The following APOBEC3B variants were observed in gnomAD, a reference collection of about 807,000 sequenced individuals.
APOBEC3B encodes the protein DNA dC->dU-editing enzyme APOBEC-3B.
A neutral mutation model predicts 53.4 loss-of-function variants in APOBEC3B; 29 were observed. The ratio of observed to expected loss-of-function variants is 0.54; its 90% confidence interval spans 0.40 to 0.74. APOBEC3B has a LOEUF of 0.74. Among genes scored for constraint, APOBEC3B ranks in the 30% least tolerant of loss-of-function variants. The pLI is 0.00. For synonymous variants in APOBEC3B, 132 were observed against 184.8 expected (o/e 0.71, Z 2.32); for missense variants, 347 against 496.2 (o/e 0.70, Z 2.86).
At chr22:38,989,122 C>T (rs1297422117) in intron 4 of APOBEC3B, among the ~76,000 whole-genome samples, 1 of 148,116 alleles carries the variant, frequency 6.8e-6, no homozygotes, top group Non-Finnish European at 1.5e-5. Context: ...AGAGCCAGGA[C>T]AGGGGTGCAT....
Position 38,989,177 on chromosome 22 carries a change from G to C in APOBEC3B, c.570-280G>C, listed in dbSNP as rs188610310. Among the ~76,000 whole-genome samples the C allele has an allele frequency of 1.2e-4, 18 of 148,208 alleles. 3 individuals are homozygous for C. In the East Asian group the frequency reaches 3.9e-3, roughly 32 times the overall value. ...ACCCAGCTCTACCCCAGGGAGAGGG[G>C]CAGGGTCCTCCCCGGAGGGCCTGAG... On this transcript the variant is annotated intron_variant, in intron 4 of 7. Transcript: ENST00000333467.
At chr22:38,988,101 A>G (rs1473195152) in intron 4 of APOBEC3B, among the ~76,000 whole-genome samples, 2 of 148,554 alleles carry the variant, frequency 1.3e-5, no homozygotes, top group African/African-American at 2.4e-5. Flanking sequence ...CCCACACACT[A>G]AAAAGGAGAC....
Position 38,983,188 on chromosome 22 carries a change from C to T in APOBEC3B, c.17+718C>T, listed in dbSNP as rs1301096223. 4.1e-5 allele frequency among the ~76,000 whole-genome samples: 6 copies of T among 147,946 alleles called. 1 individual carries two copies. The highest frequency in any genetic ancestry group is 7.4e-5 in the African/African-American group (3 of 40,622). ...TACAAAAATTAGCCAGGCATGGTGG[C>T]GCATCTCTAGTCCCAGATACTCAGG... On this transcript the variant is annotated intron_variant, in intron 1 of 7. Transcript: ENST00000333467.
chr22:38,991,472 C>G lies in APOBEC3B; in HGVS notation c.864C>G (p.Gly288=). ...CCTGGAGCCCCTGCTTCTCCTGGGG[C>G]TGTGCCGGGGAAGTGCGTGCGTTCC... The part of the protein sequence containing the change: ...FISWSPCFSW[G]CAGEVRAFLQ... The change falls in exon 6 of 8, where the codon GGC becomes GGG. Residue 288 remains glycine, a synonymous_variant. Coordinates refer to ENST00000333467, the MANE Select transcript of APOBEC3B (RefSeq NM_004900.5). 1 of 1,593,346 alleles carries G rather than the reference C, an allele frequency of 6.3e-7. No individual in the cohort carries two copies. Among genetic ancestry groups the G allele is most frequent in the Non-Finnish European group, 8.5e-7 (1 of 1,172,454 alleles).
At chr22:38,984,895 C>CTTTTTTTTTTTTTTTTTTTTTT (rs11308471) in intron 2 of APOBEC3B, among the ~76,000 whole-genome samples, 1 of 84,838 alleles carries the variant, frequency 1.2e-5, no homozygotes, top group African/African-American at 4.4e-5. Flanking sequence ...TCTTTTTTTC[C>CTTTTTTTTTTTTTTTTTTTTTT]TTTTTTTTTT....
intron 5 of APOBEC3B, among the ~76,000 whole-genome samples, chr22:38,990,362 C>G (rs993637172): frequency 4.1e-5 from 6 of 147,346 alleles, no homozygotes; most frequent in African/African-American, 1.5e-4. Flanking sequence ...ACCCACAGCC[C>G]CTTCTCAGCA....
At position 38,984,913 on chromosome 22, in the gene APOBEC3B, T is replaced by C. The variant is rs1363465395; in HGVS notation, c.174+682T>C. 2.9e-3 allele frequency among the ~76,000 whole-genome samples: 402 copies of C among 138,528 alleles called. 11 individuals are homozygous for C. Among genetic ancestry groups the C allele is most frequent in the African/African-American group, 0.01 (381 of 37,798 alleles). 90.9% of individuals were successfully genotyped at this position (138,528 alleles called of 152,430 possible). On this transcript the variant is annotated intron_variant, in intron 2 of 7. Coordinates refer to ENST00000333467, the MANE Select transcript of APOBEC3B (RefSeq NM_004900.5). The stretch of plus-strand genomic sequence containing the variant: ...TTTTTTCCTTTTTTTTTTTTTTTTT[T>C]TTTTCCGAGATGGAGTCTCGCTCTG...
Position 38,992,591 on chromosome 22 carries a change from T to C in APOBEC3B, c.*146T>C. 2 of 1,556,050 alleles carry C rather than the reference T, an allele frequency of 1.3e-6. No individual in the cohort carries two copies. The highest frequency in any genetic ancestry group is 1.7e-6 in the Non-Finnish European group (2 of 1,149,620). ...GCAAAGCAATGTGCTCCTGATCAAG[T>C]AGATTTTTTAAAAATCAGAGTCAAT... On this transcript the variant is annotated 3_prime_UTR_variant, in exon 8 of 8. Coordinates refer to ENST00000333467, the MANE Select transcript of APOBEC3B (RefSeq NM_004900.5).
chr22:38,990,424 T>C (rs1923948293), intron 5 of APOBEC3B, among the ~76,000 whole-genome samples: 1 of 147,780 alleles, frequency 6.8e-6, no homozygotes, highest in African/African-American at 2.5e-5. Flanking sequence ...AATCCCTCCC[T>C]GTCTTTGTCC....
In APOBEC3B at chr22:38,984,202, C is replaced by A. The variant is rs1295854741; in HGVS notation, c.145C>A (p.Leu49Ile). Residue 49 changes from leucine to isoleucine, a missense_variant, in exon 2 of 8, where the codon CTT becomes ATT. By Grantham distance (5) the Leu-to-Ile change is conservative (BLOSUM62 2). Coordinates refer to ENST00000333467, the MANE Select transcript of APOBEC3B (RefSeq NM_004900.5). Reference sequence around the variant, plus strand: ...AATAAAGAGGGGCCGCTCAAATCTCCTTTGGGACACAGGGGTCTTTCGAGG... The same window carrying A: ...AATAAAGAGGGGCCGCTCAAATCTCATTTGGGACACAGGGGTCTTTCGAGG... ...VKIKRGRSNL[L>I]WDTGVFRGQV... 2 of 1,592,484 alleles carry A rather than the reference C, an allele frequency of 1.3e-6. 1 individual carries two copies. Among genetic ancestry groups the A allele is most frequent in the Admixed American group, 3.6e-5 (2 of 55,848 alleles).
rs1569039190 is a variant in APOBEC3B, at chr22:38,988,744, T to TC, written c.570-712dup. On this transcript the variant is annotated intron_variant, in intron 4 of 7. Transcript: ENST00000333467. ...TTCTTTCTTTCTTTCTTTCTTTCTT[T>TC]CTTCCTTTCTTCTCTCTCGTCTTTC... 1.9e-4 allele frequency among the ~76,000 whole-genome samples: 22 copies of TC among 116,262 alleles called. 5 individuals carry two copies. The South Asian group carries it at 3.7e-3, about 20-fold the overall frequency. 76.3% of individuals were successfully genotyped at this position (116,262 alleles called of 152,430 possible).
intron 1 of APOBEC3B, among the ~76,000 whole-genome samples, chr22:38,983,602 T>C (rs148750995): frequency 0.013 from 1,929 of 148,676 alleles, 157 homozygotes; most frequent in African/African-American, 0.044. Context: ...AGGCCTAGGG[T>C]AGCCTCACGT....
intron 4 of APOBEC3B, 73 bp from the exon 5 acceptor site, chr22:38,989,384 G>A: frequency 2.2e-6 from 3 of 1,389,340 alleles, no homozygotes; most frequent in South Asian, 1.4e-5. Flanking sequence ...GGAGTGGGGG[G>A]TGCAGGAGAG....
At chr22:38,988,748 C>CTTTCCTTCTTTCTTTCTTT (rs1317657637) in intron 4 of APOBEC3B, among the ~76,000 whole-genome samples, 3 of 65,900 alleles carry the variant, frequency 4.6e-5, no homozygotes, top group African/African-American at 1.8e-4. Flanking sequence ...TTTCTTTCTT[C>CTTTCCTTCTTTCTTTCTTT]CTTTCTTCTC....
In APOBEC3B at chr22:38,989,417, G is replaced by T. The variant is rs149107365; in HGVS notation, c.570-40G>T. Reference sequence around the variant, plus strand: ...GAGGAGCGAGAGGTAGTCCCAGGAGGAGTCTTAGGGCTTTTGGTTTCCCCT... The same window carrying T: ...GAGGAGCGAGAGGTAGTCCCAGGAGTAGTCTTAGGGCTTTTGGTTTCCCCT... On this transcript the variant is annotated intron_variant, in intron 4 of 7. Coordinates refer to ENST00000333467, the MANE Select transcript of APOBEC3B (RefSeq NM_004900.5). 3.6e-4 allele frequency: 553 copies of T among 1,515,790 alleles called. 28 individuals carry two copies. In the African/African-American group the frequency reaches 6.5e-3, roughly 18 times the overall value. The allele number at this position is 1,515,790 out of a possible 1,614,324, so 93.9% of individuals were successfully genotyped here. A position where few individuals can be genotyped will look rare whatever the true frequency, so the allele number is the denominator to read the frequency against.
Position 38,988,496 on chromosome 22 carries a change from G to A in APOBEC3B, c.570-961G>A, listed in dbSNP as rs547073299. ...TTCTCCCTAATATTTAGAAAAGGGT[G>A]TTGCTTGTAGGACCACTTTGCTATG... On this transcript the variant is annotated intron_variant, in intron 4 of 7. Coordinates refer to ENST00000333467, the MANE Select transcript of APOBEC3B (RefSeq NM_004900.5). 9.4e-5 allele frequency among the ~76,000 whole-genome samples: 14 copies of A among 148,630 alleles called. 1 individual carries two copies. The highest frequency in any genetic ancestry group is 3.4e-4 in the African/African-American group (14 of 40,942).
chr22:38,987,889 G>A (rs561452625), intron 4 of APOBEC3B, among the ~76,000 whole-genome samples: 1 of 148,574 alleles, frequency 6.7e-6, no homozygotes, highest in East Asian at 2.3e-4. Context: ...TTGAGGTCAG[G>A]AGTTGGAGAT....
In APOBEC3B at chr22:38,992,607, CAG is replaced by C; in HGVS notation, c.*165_*166del. On this transcript the variant is annotated 3_prime_UTR_variant, in exon 8 of 8. Coordinates refer to ENST00000333467, the MANE Select transcript of APOBEC3B (RefSeq NM_004900.5). Reference sequence around the variant, plus strand: ...CTGATCAAGTAGATTTTTTAAAAATCAGAGTCAATTAATTTTAATTGAAAATT... The same window carrying C: ...CTGATCAAGTAGATTTTTTAAAAATCAGTCAATTAATTTTAATTGAAAATT... 1 of 1,521,098 alleles carries C rather than the reference CAG, an allele frequency of 6.6e-7. No homozygotes were observed. Among genetic ancestry groups the C allele is most frequent in the Non-Finnish European group, 8.8e-7 (1 of 1,130,776 alleles). The allele number at this position is 1,521,098 out of a possible 1,614,324, so 94.2% of individuals were successfully genotyped here. A position where few individuals can be genotyped will look rare whatever the true frequency, so the allele number is the denominator to read the frequency against.
rs1160218195 is a variant in APOBEC3B at position 38,988,713 on chromosome 22, C to CTT, written c.570-742_570-741dup. Among the ~76,000 whole-genome samples the CTT allele has an allele frequency of 4.7e-4, 61 of 129,678 alleles. 5 individuals carry two copies. The highest frequency in any genetic ancestry group is 7.4e-4 in the Non-Finnish European group (46 of 62,344). 85.1% of individuals were successfully genotyped at this position (129,678 alleles called of 152,430 possible). A position where few individuals can be genotyped will look rare whatever the true frequency, so the allele number is the denominator to read the frequency against. On this transcript the variant is annotated intron_variant, in intron 4 of 7. Coordinates refer to ENST00000333467, the MANE Select transcript of APOBEC3B (RefSeq NM_004900.5). ...TCTTTCTTTCTTTCTTTCTTTCTTT[C>CTT]TTTCTTTCTTTCTTTCTTTCTTTCT...
Sources: allele counts gnomAD v4.1 joint callset (sites outside exome capture counted in the v4.1 genomes callset), GRCh38; gene constraint gnomAD v4.1.1; transcripts MANE v1.5; gene names NCBI Gene and HGNC (gene_info 2026-07-23, HGNC 2026-07-21).